The following RAB11FIP5 variants were observed in gnomAD, a reference collection of about 807,000 sequenced individuals.
RAB11FIP5 encodes RAB11 family interacting protein 5.
In RAB11FIP5, 48 loss-of-function variants were observed where a neutral mutation model predicts 85.1. The observed-to-expected ratio is 0.56, with a 90% CI of 0.45 to 0.72. The LOEUF is 0.72. RAB11FIP5 is among the 30% of genes least tolerant of loss of function. The probability of loss-of-function intolerance (pLI) is 0.00; values close to 1 mark genes in which losing one functional copy is unlikely to be tolerated. For synonymous variants in RAB11FIP5, 729 were observed against 727.3 expected, an observed-to-expected ratio of 1.00 and a Z score of -0.04; for missense variants, 1,491 against 1,687.0, an observed-to-expected ratio of 0.88 and a Z score of 2.04.
In RAB11FIP5 at chr2:73,094,522, G is replaced by C. The variant is rs1684281422; in HGVS notation, c.432-5207C>G. Among the ~76,000 whole-genome samples, 3 of 152,306 alleles carry C rather than the reference G, an allele frequency of 2.0e-5. No homozygotes were observed. In the South Asian group the frequency reaches 6.2e-4, roughly 32 times the overall value. ...ATAAATCCACCCAAGACGCCACCCAGACTTACTGAACTAGAAGGTCCCGGC... is the reference window on the plus strand; with the variant it reads ...ATAAATCCACCCAAGACGCCACCCACACTTACTGAACTAGAAGGTCCCGGC... On this transcript the variant is annotated intron_variant, in intron 1 of 5. Transcript: ENST00000486777.
chr2:73,075,122 T>C lies in RAB11FIP5; in HGVS notation c.*399A>G. On this transcript the variant is annotated 3_prime_UTR_variant, in exon 6 of 6. Transcript: ENST00000486777. This position sits in a 1 kb window ranked among gnomAD's most constrained non-coding sequence, Gnocchi z 4.6. ...GAAATGAAGGGGATGGGGCTTTGGCTGTGGGAAGAAATGGCTGACCATCCT... is the reference window on the plus strand; with the variant it reads ...GAAATGAAGGGGATGGGGCTTTGGCCGTGGGAAGAAATGGCTGACCATCCT... 1 of 421,126 alleles carries C rather than the reference T, an allele frequency of 2.4e-6. No individual in the cohort carries two copies. The highest frequency in any genetic ancestry group is 2.8e-5 in the Admixed American group (1 of 36,270). 26.1% of individuals were successfully genotyped at this position (421,126 alleles called of 1,614,324 possible). A position where few individuals can be genotyped will look rare whatever the true frequency, so the allele number is the denominator to read the frequency against.
chr2:73,109,489 C>G (rs1253303980), intron 1 of RAB11FIP5, among the ~76,000 whole-genome samples: 1 of 152,196 alleles, frequency 6.6e-6, no homozygotes, highest in African/African-American at 2.4e-5. Flanking sequence ...GGATAAGTAA[C>G]CTGTCTGCTG....
chr2:73,105,903 T>C (rs1684516134), intron 1 of RAB11FIP5, among the ~76,000 whole-genome samples: 1 of 152,092 alleles, frequency 6.6e-6, no homozygotes, highest in South Asian at 2.1e-4. Flanking sequence ...CTTTGTGCCA[T>C]GTGCTGTGGT....
At position 73,110,484 on chromosome 2, in the gene RAB11FIP5, C is replaced by CA. The variant is rs111922978; in HGVS notation, c.431+1862_431+1863insT. ...GTGACCCTCCCCACTCCTGTTCCCCCCCCGGTTCTATAAATAAACCAGGTT... is the reference window on the plus strand; with the variant it reads ...GTGACCCTCCCCACTCCTGTTCCCCCACCCGGTTCTATAAATAAACCAGGTT... On this transcript the variant is annotated intron_variant, in intron 1 of 5. Transcript: ENST00000486777. Among the ~76,000 whole-genome samples the CA allele has an allele frequency of 2.6e-5, 4 of 152,126 alleles. 1 individual carries two copies. The highest frequency in any genetic ancestry group is 9.6e-5 in the African/African-American group (4 of 41,474).
chr2:73,080,162 C>T lies in RAB11FIP5; in HGVS notation c.3070G>A (p.Val1024Ile). 1 of 1,232,230 alleles carries T rather than the reference C, an allele frequency of 8.1e-7. No individual in the cohort carries two copies. The highest frequency in any genetic ancestry group is 1.0e-6 in the Non-Finnish European group (1 of 988,048). 76.3% of individuals were successfully genotyped at this position (1,232,230 alleles called of 1,614,324 possible). A position where few individuals can be genotyped will look rare whatever the true frequency, so the allele number is the denominator to read the frequency against. ...QSQHIWGTPE[V>I]GEGPEAPEAQ... ...TCAGGAGCCTCAGGGCCTTCTCCAA[C>T]CTCTGGAGTCCCCCAGATGTGCTGA... Residue 1024 changes from valine to isoleucine, a missense_variant, in exon 4 of 6, where the codon GTT (valine) becomes ATT (isoleucine). Coordinates refer to ENST00000486777, the MANE Select transcript of RAB11FIP5 (RefSeq NM_001371272.1).
At position 73,089,344 on chromosome 2, in the gene RAB11FIP5, C is replaced by CA. The variant is rs1256783852; in HGVS notation, c.432-30dup. On this transcript the variant is annotated intron_variant, in intron 1 of 5. Transcript: ENST00000486777. The surrounding 1 kb of genome is among the most constrained non-coding windows in gnomAD (Gnocchi z 4.6). ...TGAGAAGAGGGGAGCAGGCAGAACT[C>CA]AGTCACGGGCCCAGGGAGCCTGGCT... 6.2e-6 allele frequency: 10 copies of CA among 1,607,948 alleles called. No individual in the cohort carries two copies. Among genetic ancestry groups the CA allele is most frequent in the Non-Finnish European group, 8.5e-6 (10 of 1,178,830 alleles).
intron 1 of RAB11FIP5, among the ~76,000 whole-genome samples, chr2:73,109,051 G>GA (rs1194943199): frequency 0.018 from 2,607 of 144,358 alleles, 56 homozygotes; most frequent in African/African-American, 0.059. Context: ...TCTCAAAAAA[G>GA]AAAAAAAAAA....
At chr2:73,105,639 T>G (rs1452043362) in intron 1 of RAB11FIP5, among the ~76,000 whole-genome samples, 1 of 152,008 alleles carries the variant, frequency 6.6e-6, no homozygotes, top group African/African-American at 2.4e-5. Flanking sequence ...AGGCTAGAGC[T>G]GCAGACCAAA....
intron 1 of RAB11FIP5, among the ~76,000 whole-genome samples, chr2:73,102,407 T>C (rs59802755): frequency 0.15 from 22,165 of 152,156 alleles, 1,937 homozygotes; most frequent in East Asian, 0.42. Context: ...TTAGCAGTTA[T>C]TTCTCACCAT....
At chr2:73,097,327 A>AC (rs1215935911) in intron 1 of RAB11FIP5, among the ~76,000 whole-genome samples, 1 of 152,070 alleles carries the variant, frequency 6.6e-6, no homozygotes, top group African/African-American at 2.4e-5. Flanking sequence ...GTGAGCCACC[A>AC]CGCCCGGCCC....
chr2:73,110,554 T>C (rs1684619630), intron 1 of RAB11FIP5, among the ~76,000 whole-genome samples: 1 of 151,236 alleles, frequency 6.6e-6, no homozygotes, highest in African/African-American at 2.4e-5. Context: ...AAGATCCTGG[T>C]GGAAAAGATG....
chr2:73,093,384 A>G (rs1391275846), intron 1 of RAB11FIP5, among the ~76,000 whole-genome samples: 1 of 152,154 alleles, frequency 6.6e-6, no homozygotes, highest in Non-Finnish European at 1.5e-5. Context: ...ACCGTGCCCC[A>G]GGACCCCCTG....
chr2:73,084,888 C>T (rs187675295), intron 3 of RAB11FIP5, among the ~76,000 whole-genome samples: 5 of 152,344 alleles, frequency 3.3e-5, no homozygotes, highest in Non-Finnish European at 2.9e-5. Flanking sequence ...TCCTGAGGCA[C>T]GACCTCCTGA....
intron 4 of RAB11FIP5, among the ~76,000 whole-genome samples, chr2:73,076,541 ATACTG>A (rs1301366954): frequency 1.3e-5 from 2 of 151,916 alleles, no homozygotes; most frequent in Non-Finnish European, 2.9e-5. Flanking sequence ...TTTCTCTTCT[ATACTG>A]TAACCTTTCT....
Position 73,080,100 on chromosome 2 carries a change from C to T in RAB11FIP5, c.3132G>A (p.Gly1044=). The stretch of plus-strand genomic sequence containing the variant: ...CCTGCTGGGAGGTGGCTGACAAGGA[C>T]CCAAGCCCCTCTCCTACTGGATCCT... ...QGQDPVGEGL[G]SLSATSQQAD... The change falls in exon 4 of 6, where the codon GGG becomes GGA. Residue 1044 remains glycine (G), a synonymous_variant. Coordinates refer to ENST00000486777, the MANE Select transcript of RAB11FIP5 (RefSeq NM_001371272.1). The T allele has an allele frequency of 1.6e-6, 2 of 1,232,210 alleles. No individual in the cohort carries two copies. Among genetic ancestry groups the T allele is most frequent in the East Asian group, 3.2e-5 (1 of 31,680 alleles). 76.3% of individuals were successfully genotyped at this position (1,232,210 alleles called of 1,614,324 possible).
In RAB11FIP5 at chr2:73,086,277, T is replaced by C. The variant is rs1240571563; in HGVS notation, c.1568+1773A>G. Among the ~76,000 whole-genome samples the C allele has an allele frequency of 6.6e-6, 1 of 152,188 alleles. No homozygotes were observed. The highest frequency in any genetic ancestry group is 2.4e-5 in the African/African-American group (1 of 41,452). On this transcript the variant is annotated intron_variant, in intron 3 of 5. Transcript: ENST00000486777. The surrounding 1 kb of genome is among the most constrained non-coding windows in gnomAD (Gnocchi z 4.4). ...GGATGCTGAGTGCCCTCCATCCTGCTAAAGACAAGGCTCAGAATTCAAGTG... is the reference window on the plus strand; with the variant it reads ...GGATGCTGAGTGCCCTCCATCCTGCCAAAGACAAGGCTCAGAATTCAAGTG...
At chr2:73,098,720 C>A (rs565199819) in intron 1 of RAB11FIP5, among the ~76,000 whole-genome samples, 125 of 152,290 alleles carry the variant, frequency 8.2e-4, no homozygotes, top group Non-Finnish European at 1.7e-3. Context: ...AATAAAGTCA[C>A]CCCCCTATTT....
chr2:73,075,709 C>G lies in RAB11FIP5; in HGVS notation c.3787G>C (p.Asp1263His), dbSNP rs1273837254. 2 of 1,607,676 alleles carry G rather than the reference C, an allele frequency of 1.2e-6. No individual in the cohort carries two copies. The highest frequency in any genetic ancestry group is 8.5e-7 in the Non-Finnish European group (1 of 1,176,748). ...AGGTGGTAGTACTTGGCCGACTGGT[C>G]CAGCACAGCTGAGTCCTGAGGCCGG... ...TKRLKDSAVL[D>H]QSAKYYHLTH... is the part of the protein sequence containing the mutation. Residue 1263 changes from aspartate (D) to histidine (H), a missense_variant, in exon 6 of 6, where the codon GAC (aspartate) becomes CAC (histidine). Physicochemically the swap from Asp to His is moderately conservative, Grantham distance 81. Transcript: ENST00000486777. The surrounding 1 kb of genome is among the most constrained non-coding windows in gnomAD (Gnocchi z 4.6).
intron 3 of RAB11FIP5, among the ~76,000 whole-genome samples, chr2:73,085,340 A>G (rs1015120905): frequency 3.3e-5 from 5 of 152,162 alleles, no homozygotes; most frequent in African/African-American, 9.7e-5. Flanking sequence ...AGTTTTTGTA[A>G]TCAACATTTG....
Sources: allele counts gnomAD v4.1 joint callset (sites outside exome capture counted in the v4.1 genomes callset), GRCh38; gene constraint gnomAD v4.1.1; non-coding constraint Gnocchi (gnomAD v3.1); transcripts MANE v1.5; gene names NCBI Gene and HGNC (gene_info 2026-07-23, HGNC 2026-07-21).